Variants in NCAM2 observed in about 807,000 individuals in gnomAD.
NCAM2 encodes neural cell adhesion molecule 2, also known as N-CAM-2.
A neutral mutation model predicts 98.1 loss-of-function variants in NCAM2; 30 were observed. The observed-to-expected ratio is 0.31, with a 90% confidence interval of 0.23 to 0.41. NCAM2 has a LOEUF of 0.41. Among genes scored for constraint, NCAM2 ranks in the 10% least tolerant of loss-of-function variants. The pLI, the probability that NCAM2 is intolerant of heterozygous loss-of-function variation, is 1.00. For synonymous variants in NCAM2, 368 were observed against 342.4 expected, an observed-to-expected ratio of 1.07 and a Z score of -0.83; for missense variants, 867 against 1,005.8, an observed-to-expected ratio of 0.86 and a Z score of 1.87.
At chr21:21,467,864 A>G (rs1320254528) in intron 13 of NCAM2, among the ~76,000 whole-genome samples, 1 of 151,978 alleles carries the variant, frequency 6.6e-6, no homozygotes, top group Non-Finnish European at 1.5e-5. Flanking sequence ...TGCCTCAAAA[A>G]AAGAATGAAG....
intron 1 of NCAM2, among the ~76,000 whole-genome samples, chr21:21,188,000 A>T (rs1328974740): frequency 6.6e-6 from 1 of 152,200 alleles, no homozygotes; most frequent in Non-Finnish European, 1.5e-5. Flanking sequence ...TTGTGCAAAA[A>T]TGGAGGATAT....
intron 15 of NCAM2, among the ~76,000 whole-genome samples, chr21:21,489,845 C>T (rs1338764003): frequency 6.6e-6 from 1 of 151,948 alleles, no homozygotes; most frequent in African/African-American, 2.4e-5. Flanking sequence ...CTTATTAACT[C>T]GTTCTCTTAC....
intron 16 of NCAM2, among the ~76,000 whole-genome samples, 167 bp from the exon 17 acceptor site, chr21:21,534,370 G>A (rs556565725): frequency 1.3e-5 from 2 of 151,716 alleles, no homozygotes; most frequent in Admixed American, 6.6e-5. Flanking sequence ...GATAATATAT[G>A]GTGAAACAAA....
intron 8 of NCAM2, among the ~76,000 whole-genome samples, chr21:21,351,728 C>T (rs1377880569): frequency 1.3e-5 from 2 of 151,888 alleles, no homozygotes; most frequent in Non-Finnish European, 2.9e-5. Context: ...TCTATTTGTT[C>T]ATTTGTTTGT....
chr21:21,441,359 A>C (rs968100234), intron 12 of NCAM2, among the ~76,000 whole-genome samples: 2 of 152,188 alleles, frequency 1.3e-5, no homozygotes, highest in African/African-American at 4.8e-5. Context: ...ATCACTTCAA[A>C]ATGATGATTA....
At chr21:21,254,986 G>A (rs1200731988) in intron 1 of NCAM2, among the ~76,000 whole-genome samples, 1 of 147,882 alleles carries the variant, frequency 6.8e-6, no homozygotes, top group Non-Finnish European at 1.5e-5. Context: ...TGTGTATAAT[G>A]TTTATATAAT....
intron 9 of NCAM2, among the ~76,000 whole-genome samples, chr21:21,383,098 G>C (rs908329468): frequency 6.6e-6 from 1 of 152,050 alleles, no homozygotes; most frequent in South Asian, 2.1e-4. Context: ...TCACTGTACT[G>C]GTTGTCAAAA....
At chr21:21,373,798 T>C (rs2075972491) in intron 8 of NCAM2, 65 bp from the exon 9 acceptor site, 1 of 1,350,854 alleles carries the variant, frequency 7.4e-7, no homozygotes, top group East Asian at 2.5e-5. Context: ...TAATGTTATA[T>C]GTTTGGTCAC....
chr21:21,523,728 T>A (rs991427740), intron 16 of NCAM2, among the ~76,000 whole-genome samples: 1 of 152,038 alleles, frequency 6.6e-6, no homozygotes, highest in African/African-American at 2.4e-5. Context: ...TTCATTCAGT[T>A]CATTGTAAAT....
At chr21:21,377,469 C>T (rs1232375986) in intron 9 of NCAM2, among the ~76,000 whole-genome samples, 1 of 151,648 alleles carries the variant, frequency 6.6e-6, no homozygotes, top group East Asian at 1.9e-4. Context: ...TTGAAATGTA[C>T]TTATTTACTT....
In NCAM2 at chr21:21,539,260, T is replaced by C. The variant is rs1990135224; in HGVS notation, c.*1303T>C. The C allele has an allele frequency of 1.3e-5, 2 of 152,204 alleles. No individual in the cohort carries two copies. The highest frequency in any genetic ancestry group is 4.1e-4 in the South Asian group (2 of 4,830). The allele number at this position is 152,204 out of a possible 1,614,324, so 9.4% of individuals were successfully genotyped here. A position where few individuals can be genotyped will look rare whatever the true frequency, so the allele number is the denominator to read the frequency against. On this transcript the variant is annotated 3_prime_UTR_variant, in exon 18 of 18. Coordinates refer to ENST00000400546, the MANE Select transcript of NCAM2 (RefSeq NM_004540.5). ...AGAGTGACACATGATTTAACTTATA[T>C]GTAAGGTTTAAAAAAGTATTTATCA...
chr21:21,147,167 G>A, intron 1 of NCAM2: 4 of 969,036 alleles, frequency 4.1e-6, no homozygotes, highest in Non-Finnish European at 4.9e-6. Context: ...GTCCCACACC[G>A]GAGCTGGTAC....
chr21:21,537,678 T>C (rs1261631927), intron 17 of NCAM2, among the ~76,000 whole-genome samples, 168 bp from the exon 18 acceptor site: 3 of 152,246 alleles, frequency 2.0e-5, no homozygotes, highest in African/African-American at 4.8e-5. Flanking sequence ...ATTTTTCCTT[T>C]CTAATTATTG....
At chr21:21,530,525 A>G (rs964666169) in intron 16 of NCAM2, among the ~76,000 whole-genome samples, 1 of 150,778 alleles carries the variant, frequency 6.6e-6, no homozygotes, top group Admixed American at 6.6e-5. Flanking sequence ...TGTGGTCTAT[A>G]GTTTGTAAAA....
At chr21:21,232,699 G>C (rs1185839812) in intron 1 of NCAM2, among the ~76,000 whole-genome samples, 2 of 151,598 alleles carry the variant, frequency 1.3e-5, no homozygotes, top group Non-Finnish European at 3.0e-5. Flanking sequence ...ACATTATTAA[G>C]AAAAAGTTTT....
chr21:21,238,358 A>G (rs973496309), intron 1 of NCAM2, among the ~76,000 whole-genome samples: 4 of 152,234 alleles, frequency 2.6e-5, no homozygotes, highest in Non-Finnish European at 5.9e-5. Context: ...AAAATAATAC[A>G]TACATTTATT....
chr21:21,219,238 G>A lies in NCAM2; in HGVS notation c.56-61340G>A, dbSNP rs545290723. Among the ~76,000 whole-genome samples the A allele has an allele frequency of 1.1e-3, 168 of 152,094 alleles. 4 individuals are homozygous for A. The highest frequency in any genetic ancestry group is 1.8e-3 in the Non-Finnish European group (120 of 67,988). ...TGCGGCCCAAGACATTTCTTCTGAT[G>A]TGGCCCAGGGAAGCCAGAAGATTAG... On this transcript the variant is annotated intron_variant, in intron 1 of 17. Coordinates refer to ENST00000400546, the MANE Select transcript of NCAM2 (RefSeq NM_004540.5).
chr21:21,263,894 C>T (rs938212431), intron 1 of NCAM2, among the ~76,000 whole-genome samples: 3 of 151,992 alleles, frequency 2.0e-5, no homozygotes, highest in Non-Finnish European at 2.9e-5. Flanking sequence ...AGTCCAAAAA[C>T]ATAAAAATCC....
At chr21:21,268,893 A>C (rs778466625) in intron 1 of NCAM2, among the ~76,000 whole-genome samples, 68 of 152,262 alleles carry the variant, frequency 4.5e-4, no homozygotes, top group Non-Finnish European at 8.7e-4. Context: ...GTCTAAGCAC[A>C]GGTGCACTTA....
Sources: allele counts gnomAD v4.1 joint callset (sites outside exome capture counted in the v4.1 genomes callset), GRCh38; gene constraint gnomAD v4.1.1; transcripts MANE v1.5; gene names NCBI Gene and HGNC (gene_info 2026-07-23, HGNC 2026-07-21).